ADAMTSL3: variants seen among roughly 807,000 people sequenced by gnomAD.
ADAMTSL3 encodes ADAMTS-like protein 3.
ADAMTSL3 carries 128 observed loss-of-function variants against 201.7 expected under a neutral mutation model. That is an observed-to-expected ratio of 0.63 (90% confidence interval 0.55 to 0.73). The LOEUF (loss-of-function observed/expected upper bound fraction) is 0.73. Among genes scored for constraint, ADAMTSL3 ranks in the 30% least tolerant of loss-of-function variants. The probability of loss-of-function intolerance (pLI) is 0.00; values close to 1 mark genes in which losing one functional copy is unlikely to be tolerated. For synonymous variants in ADAMTSL3, 738 were observed against 748.4 expected (o/e 0.99, Z 0.23); for missense variants, 1,990 against 2,119.6 (o/e 0.94, Z 1.20).
intron 5 of ADAMTSL3, among the ~76,000 whole-genome samples, chr15:83,813,904 T>C (rs2063734170): frequency 6.6e-6 from 1 of 152,194 alleles, no homozygotes; most frequent in African/African-American, 2.4e-5. Context: ...GTCTAATACC[T>C]GAATTCACTG....
intron 23 of ADAMTSL3, among the ~76,000 whole-genome samples, chr15:84,009,896 A>G (rs769942222): frequency 6.6e-6 from 1 of 152,244 alleles, no homozygotes; most frequent in African/African-American, 2.4e-5. Flanking sequence ...TCAATGTAGA[A>G]TTGACAGCAC....
At chr15:83,831,269 G>A (rs952560979) in intron 6 of ADAMTSL3, among the ~76,000 whole-genome samples, 1 of 152,098 alleles carries the variant, frequency 6.6e-6, no homozygotes, top group Non-Finnish European at 1.5e-5. Flanking sequence ...CAGGATCTGG[G>A]TGCCATGTCT....
intron 2 of ADAMTSL3, among the ~76,000 whole-genome samples, chr15:83,662,543 A>T (rs1208889735): frequency 6.6e-6 from 1 of 150,570 alleles, no homozygotes; most frequent in Non-Finnish European, 1.5e-5. Context: ...CACAATGTGC[A>T]CATGTACCCT....
In ADAMTSL3 at chr15:84,025,330, G is replaced by A; in HGVS notation, c.4550G>A (p.Gly1517Glu). The A allele has an allele frequency of 6.2e-7, 1 of 1,614,156 alleles. No homozygotes were observed. Among genetic ancestry groups the A allele is most frequent in the South Asian group, 1.1e-5 (1 of 91,074 alleles). ...QVTCKRTKAN[G>E]TVQVVSPRAC... The stretch of plus-strand genomic sequence containing the variant: ...ACGTGCAAGCGGACAAAAGCCAATG[G>A]AACTGTGCAGGTGGTGTCTCCAAGA... Residue 1517 changes from glycine (G) to glutamate (E), a missense_variant, in exon 27 of 30, where the codon GGA (glycine) becomes GAA (glutamate). Physicochemically the swap from Gly to Glu is moderately conservative, Grantham distance 98. Transcript: ENST00000286744.
At chr15:83,943,502 T>C (rs1346726821) in intron 19 of ADAMTSL3, among the ~76,000 whole-genome samples, 2 of 152,216 alleles carry the variant, frequency 1.3e-5, no homozygotes, top group Admixed American at 6.5e-5. Context: ...CTGTCACTTA[T>C]GCTGTTAATT....
At chr15:83,955,628 T>C (rs1017723458) in intron 19 of ADAMTSL3, among the ~76,000 whole-genome samples, 7 of 152,066 alleles carry the variant, frequency 4.6e-5, no homozygotes, top group Admixed American at 2.6e-4. Flanking sequence ...AGTTAGCAGA[T>C]AATTAATGCT....
chr15:83,918,653 G>T (rs1235478691), intron 16 of ADAMTSL3, among the ~76,000 whole-genome samples: 1 of 152,182 alleles, frequency 6.6e-6, no homozygotes, highest in African/African-American at 2.4e-5. Flanking sequence ...GGTTTAGTGT[G>T]GCATGCTGCT....
chr15:84,029,390 G>T (rs1596554997), intron 27 of ADAMTSL3, among the ~76,000 whole-genome samples: 1 of 152,334 alleles, frequency 6.6e-6, no homozygotes, highest in Non-Finnish European at 1.5e-5. Flanking sequence ...CAAAGAGAAT[G>T]GAGGCATTTT....
chr15:83,950,827 A>G (rs1472253729), intron 19 of ADAMTSL3, among the ~76,000 whole-genome samples: 5 of 151,946 alleles, frequency 3.3e-5, no homozygotes, highest in Non-Finnish European at 7.4e-5. Flanking sequence ...TAGAAATGCT[A>G]CTGATATTTG....
intron 2 of ADAMTSL3, among the ~76,000 whole-genome samples, chr15:83,670,258 CAAAAAAAAAAAAAA>C (rs60947988): frequency 4.6e-5 from 3 of 64,522 alleles, no homozygotes; most frequent in African/African-American, 6.3e-5. Flanking sequence ...ACTCTGTCTC[CAAAAAAAAAAAAAA>C]AAAAAAAAAA....
chr15:83,837,609 T>G (rs1473179079), intron 6 of ADAMTSL3, among the ~76,000 whole-genome samples: 1 of 151,928 alleles, frequency 6.6e-6, no homozygotes, highest in Admixed American at 6.6e-5. Flanking sequence ...AGGGAGACCC[T>G]GTCTTTACAT....
chr15:83,839,978 G>T (rs1484236504), intron 7 of ADAMTSL3, among the ~76,000 whole-genome samples: 1 of 152,110 alleles, frequency 6.6e-6, no homozygotes, highest in East Asian at 1.9e-4. Context: ...TGGTTGGAGG[G>T]TTTATCTGAA....
intron 3 of ADAMTSL3, among the ~76,000 whole-genome samples, chr15:83,763,411 A>ATT (rs553492637): frequency 4.2e-5 from 6 of 141,872 alleles, no homozygotes; most frequent in African/African-American, 1.5e-4. Flanking sequence ...AGAAATCTAG[A>ATT]TTTTTTTTTT....
intron 3 of ADAMTSL3, among the ~76,000 whole-genome samples, chr15:83,735,056 C>T (rs1176649531): frequency 6.6e-6 from 1 of 152,094 alleles, no homozygotes; most frequent in Non-Finnish European, 1.5e-5. Flanking sequence ...ATCAGGCAGC[C>T]TCACTATGCA....
intron 3 of ADAMTSL3, among the ~76,000 whole-genome samples, chr15:83,712,566 A>G (rs1297508276): frequency 6.6e-6 from 1 of 151,972 alleles, no homozygotes; most frequent in Non-Finnish European, 1.5e-5. Flanking sequence ...ATTCACCAAA[A>G]CCTTTATGAC....
chr15:83,835,852 G>A (rs1412105106), intron 6 of ADAMTSL3, among the ~76,000 whole-genome samples: 1 of 152,188 alleles, frequency 6.6e-6, no homozygotes, highest in Non-Finnish European at 1.5e-5. Flanking sequence ...TTAAGGTAGA[G>A]GAAGTTGTAA....
intron 20 of ADAMTSL3, among the ~76,000 whole-genome samples, chr15:83,980,819 C>T (rs949846037): frequency 1.3e-5 from 2 of 152,194 alleles, no homozygotes; most frequent in African/African-American, 4.8e-5. Flanking sequence ...AGTAGGCAGC[C>T]AGACTTCAAA....
At chr15:83,757,066 C>T (rs2062733316) in intron 3 of ADAMTSL3, among the ~76,000 whole-genome samples, 1 of 152,156 alleles carries the variant, frequency 6.6e-6, no homozygotes, top group African/African-American at 2.4e-5. Flanking sequence ...GCAGCTTTTC[C>T]AGGCACACGG....
Position 83,983,415 on chromosome 15 carries a change from A to G in ADAMTSL3, c.3716+71A>G, listed in dbSNP as rs1169563636. The stretch of plus-strand genomic sequence containing the variant: ...AATGGCTATTCCAGTTTTCTTGAAA[A>G]TATTTTCAAATTCCTCTCCTAAGCA... On this transcript the variant is annotated intron_variant, in intron 21 of 29. Transcript: ENST00000286744. 4 of 1,133,186 alleles carry G rather than the reference A, an allele frequency of 3.5e-6. No homozygotes were observed. The African/African-American group carries it at 6.3e-5, about 18-fold the overall frequency. 70.2% of individuals were successfully genotyped at this position (1,133,186 alleles called of 1,614,324 possible).
Sources: allele counts gnomAD v4.1 joint callset (sites outside exome capture counted in the v4.1 genomes callset), GRCh38; gene constraint gnomAD v4.1.1; transcripts MANE v1.5; gene names NCBI Gene and HGNC (gene_info 2026-07-23, HGNC 2026-07-21).